Variants in CSMD1 observed in about 807,000 individuals in gnomAD.
CSMD1 encodes the protein CUB and Sushi multiple domains 1, also known as CUB and sushi domain-containing protein 1.
CSMD1 carries 213 observed loss-of-function variants against 417.5 expected under a neutral mutation model. The ratio of observed to expected loss-of-function variants is 0.51; its 90% CI spans 0.46 to 0.57. CSMD1 has a LOEUF of 0.57. Among genes scored for constraint, CSMD1 ranks in the 20% least tolerant of loss-of-function variants. CSMD1 has a pLI of 0.00. For synonymous variants in CSMD1, 2,862 were observed against 1,736.8 expected, an observed-to-expected ratio of 1.65 and a Z score of -16.11; for missense variants, 6,923 against 4,529.7, an observed-to-expected ratio of 1.53 and a Z score of -15.17.
chr8:3,825,303 G>A (rs1192516242), intron 5 of CSMD1, among the ~76,000 whole-genome samples: 4 of 152,130 alleles, frequency 2.6e-5, no homozygotes, highest in Non-Finnish European at 5.9e-5. Flanking sequence ...ACCGCGACAG[G>A]TGGATCGCTG....
At chr8:3,537,571 T>C (rs1037888969) in intron 10 of CSMD1, among the ~76,000 whole-genome samples, 6 of 152,226 alleles carry the variant, frequency 3.9e-5, no homozygotes, top group Admixed American at 6.5e-5. Context: ...TGCATGTTTG[T>C]TTTAGATAGC....
chr8:4,959,491 C>T (rs1412408030), intron 1 of CSMD1, among the ~76,000 whole-genome samples: 1 of 152,202 alleles, frequency 6.6e-6, no homozygotes, highest in Admixed American at 6.5e-5. Flanking sequence ...CCTGTTTGTT[C>T]TATCTTCAAA....
intron 11 of CSMD1, among the ~76,000 whole-genome samples, chr8:3,486,040 C>T (rs1818013179): frequency 6.6e-6 from 1 of 152,116 alleles, no homozygotes; most frequent in African/African-American, 2.4e-5. Context: ...CTTGTCTTCA[C>T]TTGGCAGATA....
chr8:3,500,546 T>A (rs909320738), intron 10 of CSMD1, among the ~76,000 whole-genome samples: 1 of 152,036 alleles, frequency 6.6e-6, no homozygotes. Context: ...TCTTTCATAT[T>A]TAGAGGTCAA....
chr8:4,325,271 C>T (rs1391989699), intron 3 of CSMD1, among the ~76,000 whole-genome samples: 1 of 152,150 alleles, frequency 6.6e-6, no homozygotes, highest in African/African-American at 2.4e-5. Context: ...TCTGTTCCTC[C>T]CCACTAACCA....
chr8:3,480,511 G>A (rs1224740531), intron 11 of CSMD1, among the ~76,000 whole-genome samples: 1 of 152,098 alleles, frequency 6.6e-6, no homozygotes, highest in Non-Finnish European at 1.5e-5. Flanking sequence ...TGATGGTGTT[G>A]AAATTATTTA....
At chr8:3,371,134 T>A (rs150795525) in intron 18 of CSMD1, among the ~76,000 whole-genome samples, 82 of 152,316 alleles carry the variant, frequency 5.4e-4, no homozygotes, top group African/African-American at 1.9e-3. Context: ...GTCTCAGACT[T>A]AATTATGCCA....
chr8:3,910,284 C>T (rs1563201824), intron 5 of CSMD1, among the ~76,000 whole-genome samples: 1 of 152,114 alleles, frequency 6.6e-6, no homozygotes, highest in Admixed American at 6.6e-5. Context: ...AGCTCTCTCA[C>T]CACGTTTGAA....
intron 3 of CSMD1, among the ~76,000 whole-genome samples, chr8:4,065,967 T>C (rs892230629): frequency 6.6e-6 from 1 of 152,132 alleles, no homozygotes; most frequent in Non-Finnish European, 1.5e-5. Context: ...TTCGTCCAAT[T>C]TGGGTGAAAA....
At chr8:4,172,246 G>A (rs1210793088) in intron 3 of CSMD1, among the ~76,000 whole-genome samples, 1 of 152,034 alleles carries the variant, frequency 6.6e-6, no homozygotes, top group Non-Finnish European at 1.5e-5. Flanking sequence ...AGTCTGCACT[G>A]AACAAATGAA....
chr8:3,402,587 C>G (rs1233746267), intron 15 of CSMD1, among the ~76,000 whole-genome samples: 1 of 152,138 alleles, frequency 6.6e-6, no homozygotes, highest in Non-Finnish European at 1.5e-5. Context: ...AATAAATAAC[C>G]TACGCTTTTA....
In CSMD1 at chr8:4,130,228, G is replaced by C. The variant is rs558469439; in HGVS notation, c.416-98129C>G. 5.3e-5 allele frequency among the ~76,000 whole-genome samples: 8 copies of C among 152,164 alleles called. No individual in the cohort carries two copies. In the East Asian group the frequency reaches 1.5e-3, roughly 29 times the overall value. ...AGGGTCCCTCACTTTCTTCTTGTCA[G>C]TCTAGTATGTAAGTTTGGAGAGCCA... On this transcript the variant is annotated intron_variant, in intron 3 of 69. Coordinates refer to ENST00000635120, the MANE Select transcript of CSMD1 (RefSeq NM_033225.6).
At position 4,392,318 on chromosome 8, in the gene CSMD1, A is replaced by G. The variant is rs375291619; in HGVS notation, c.415+27635T>C. ...TAAAACACAAGCGGCAGGTTTTACC[A>G]TGGGGACCACGGATATGTAGGGAAG... On this transcript the variant is annotated intron_variant, in intron 3 of 69. Coordinates refer to ENST00000635120, the MANE Select transcript of CSMD1 (RefSeq NM_033225.6). Among the ~76,000 whole-genome samples the G allele has an allele frequency of 9.2e-5, 14 of 152,320 alleles. No individual in the cohort carries two copies. In the East Asian group the frequency reaches 2.7e-3, roughly 29 times the overall value.
intron 3 of CSMD1, among the ~76,000 whole-genome samples, chr8:4,358,253 C>G (rs187440543): frequency 2.0e-5 from 3 of 152,300 alleles, no homozygotes; most frequent in African/African-American, 7.2e-5. Context: ...GCTTGTTGAA[C>G]TTTTGCTTTA....
At chr8:4,475,596 G>C (rs764826114) in intron 2 of CSMD1, among the ~76,000 whole-genome samples, 13 of 151,644 alleles carry the variant, frequency 8.6e-5, no homozygotes, top group Non-Finnish European at 1.5e-4. Flanking sequence ...TCTTTTCTTA[G>C]GGTTTTTTTT....
intron 10 of CSMD1, among the ~76,000 whole-genome samples, chr8:3,494,373 C>T (rs975580150): frequency 1.1e-4 from 17 of 151,978 alleles, no homozygotes; most frequent in African/African-American, 4.1e-4. Flanking sequence ...ATCTTTTTCT[C>T]CTGAAAGAAG....
At chr8:4,042,439 A>G (rs1260470783) in intron 3 of CSMD1, among the ~76,000 whole-genome samples, 1 of 152,126 alleles carries the variant, frequency 6.6e-6, no homozygotes. Context: ...ATCTAAATAA[A>G]TTTATATGAC....
intron 7 of CSMD1, among the ~76,000 whole-genome samples, chr8:3,617,703 T>C (rs1802211438): frequency 6.6e-6 from 1 of 152,208 alleles, no homozygotes; most frequent in African/African-American, 2.4e-5. Flanking sequence ...ACAGAAAAGA[T>C]GTGTCAAGAA....
chr8:3,529,984 T>A (rs1274754320), intron 10 of CSMD1, among the ~76,000 whole-genome samples: 1 of 152,036 alleles, frequency 6.6e-6, no homozygotes, highest in African/African-American at 2.4e-5. Context: ...CATATGTCAT[T>A]TTTGTTTCCC....
Sources: gnomAD v4.1 joint callset for allele counts (sites outside exome capture counted in the v4.1 genomes callset) on GRCh38, gnomAD v4.1.1 for gene constraint, MANE v1.5 for transcripts, NCBI Gene and HGNC (gene_info 2026-07-23, HGNC 2026-07-21) for gene names.